FMR1NB: variants seen among roughly 807,000 people sequenced by gnomAD.
FMR1NB encodes FMR1 neighbor.
Under a neutral mutation model 16.8 loss-of-function variants are expected in FMR1NB, and 10 were observed. That is an observed-to-expected ratio of 0.60 (90% CI 0.37 to 1.01). The LOEUF (loss-of-function observed/expected upper bound fraction) is 1.01. Ranked by LOEUF, FMR1NB falls within the 50% of genes least tolerant of loss-of-function variation. The pLI is 0.01. For synonymous variants in FMR1NB, 83 were observed against 79.1 expected (o/e 1.05, Z -0.26); for missense variants, 205 against 204.8 (o/e 1.00, Z 0.00).
chrX:147,993,395 GGGGAGA>G (rs200833296), intron 1 of FMR1NB, among the ~76,000 whole-genome samples: 9 of 107,816 alleles, frequency 8.3e-5, no homozygotes, highest in African/African-American at 2.4e-4. Flanking sequence ...GGGAGACCGT[GGGGAGA>G]GGGAGAGGGA....
Position 147,981,612 on chromosome X carries a change from G to T in FMR1NB, c.210G>T (p.Gly70=). ...SLKMRVSKPF[G]MLMLSIWILL... is the part of the protein sequence containing the mutation. ...AGATGCGGGTCAGCAAACCCTTTGGGATGCTCATGCTCTCCATTTGGATCC... is the reference window on the plus strand; with the variant it reads ...AGATGCGGGTCAGCAAACCCTTTGGTATGCTCATGCTCTCCATTTGGATCC... The change falls in exon 1 of 6, where the codon GGG becomes GGT. Residue 70 remains glycine, a synonymous_variant. Coordinates refer to ENST00000370467, the MANE Select transcript of FMR1NB (RefSeq NM_152578.3). 2.5e-6 allele frequency: 3 copies of T among 1,210,686 alleles called. No individual in the cohort carries two copies. Among genetic ancestry groups the T allele is most frequent in the Non-Finnish European group, 3.4e-6 (3 of 895,194 alleles).
intron 1 of FMR1NB, among the ~76,000 whole-genome samples, chrX:147,982,554 A>C (rs1361617005): frequency 1.1e-5 from 1 of 90,780 alleles, no homozygotes; most frequent in African/African-American, 4.4e-5. Context: ...GCACCACTGC[A>C]CTCCAGCCTG....
At chrX:147,982,413 C>A (rs1475472731) in intron 1 of FMR1NB, among the ~76,000 whole-genome samples, 13 of 109,303 alleles carry the variant, frequency 1.2e-4, no homozygotes, top group African/African-American at 4.3e-4. Context: ...CAAGGTGAAA[C>A]CCCGTCTCTA....
intron 1 of FMR1NB, among the ~76,000 whole-genome samples, chrX:148,001,578 C>T (rs1042269605): frequency 9.1e-6 from 1 of 109,901 alleles, no homozygotes; most frequent in Non-Finnish European, 1.9e-5. Context: ...GGTGAAACCC[C>T]GTCTCTACTA....
intron 1 of FMR1NB, among the ~76,000 whole-genome samples, chrX:147,993,385 G>A (rs2044525072): frequency 9.6e-6 from 1 of 103,831 alleles, no homozygotes; most frequent in African/African-American, 3.4e-5. Context: ...CCGCATGAGA[G>A]GGAGACCGTG....
chrX:147,998,673 T>G (rs782674460), intron 1 of FMR1NB, among the ~76,000 whole-genome samples: 6 of 112,808 alleles, frequency 5.3e-5, no homozygotes, highest in South Asian at 3.7e-4. Flanking sequence ...CATGGTAGGT[T>G]TGATATGTTA....
At position 148,003,290 on chromosome X, in the gene FMR1NB, G is replaced by T; in HGVS notation, c.367G>T (p.Glu123Ter). The T allele has an allele frequency of 8.3e-7, 1 of 1,211,181 alleles. No homozygotes were observed. The highest frequency in any genetic ancestry group is 1.1e-6 in the Non-Finnish European group (1 of 895,039). The change falls in exon 2 of 6, where the codon GAA becomes TAA. Residue 123 changes from glutamate to a stop codon, truncating the protein, a stop_gained. Coordinates refer to ENST00000370467, the MANE Select transcript of FMR1NB (RefSeq NM_152578.3). LOFTEE classifies it high-confidence loss of function. ...GQSLEEDSALEALLNFFFPTT... is the reference protein window; with the variant it reads ...GQSLEEDSAL ...ATCTCTGGAAGAAGATTCCGCATTG[G>T]AAGCTTTGCTGAATTTTTTCTTTCC...
chrX:148,021,581 G>T (rs1455370540), intron 4 of FMR1NB, among the ~76,000 whole-genome samples: 5 of 110,412 alleles, frequency 4.5e-5, no homozygotes, highest in Non-Finnish European at 9.5e-5. Context: ...TTTCTTCAAT[G>T]ATGTATGTTT....
At chrX:147,994,201 T>C (rs1322333495) in intron 1 of FMR1NB, among the ~76,000 whole-genome samples, 1 of 111,017 alleles carries the variant, frequency 9.0e-6, no homozygotes, top group African/African-American at 3.3e-5. Context: ...TCCCTAGAGG[T>C]TTTCCGTCTT....
chrX:147,986,072 A>C (rs1557187059), intron 1 of FMR1NB, among the ~76,000 whole-genome samples: 1 of 112,578 alleles, frequency 8.9e-6, no homozygotes, highest in African/African-American at 3.2e-5. Flanking sequence ...ATGACCAGTG[A>C]TGATGAGCTT....
At chrX:148,023,744 T>C (rs1450661975) in intron 4 of FMR1NB, among the ~76,000 whole-genome samples, 1 of 112,132 alleles carries the variant, frequency 8.9e-6, no homozygotes, top group Non-Finnish European at 1.9e-5. Context: ...AAAAGCCCTA[T>C]AAGCATAAAA....
intron 1 of FMR1NB, among the ~76,000 whole-genome samples, chrX:148,001,289 T>C: frequency 8.9e-6 from 1 of 112,278 alleles, no homozygotes; most frequent in Non-Finnish European, 1.9e-5. Context: ...TACATTTAAT[T>C]GAATTCATGC....
Position 148,008,636 on chromosome X carries a change from A to G in FMR1NB, c.557A>G (p.Gln186Arg), listed in dbSNP as rs958063916. 2 of 1,211,695 alleles carry G rather than the reference A, an allele frequency of 1.7e-6. No individual in the cohort carries two copies. The highest frequency in any genetic ancestry group is 2.2e-6 in the Non-Finnish European group (2 of 895,416). The change falls in exon 4 of 6, where the codon CAA becomes CGA. Residue 186 changes from glutamine (Q) to arginine (R), a missense_variant. Transcript: ENST00000370467. ...PFRDVPKQMM[Q>R]MFGLGAISLI... Reference sequence around the variant, plus strand: ...CCAACAGTGCCTAAACAGATGATGCAAATGTTTGGGCTTGGTGCGATCAGC... The same window carrying G: ...CCAACAGTGCCTAAACAGATGATGCGAATGTTTGGGCTTGGTGCGATCAGC...
chrX:148,003,141 G>A, intron 1 of FMR1NB, 60 bp from the exon 2 acceptor site: 1 of 1,109,333 alleles, frequency 9.0e-7, no homozygotes, highest in Admixed American at 2.4e-5. Flanking sequence ...ACCATTCAAG[G>A]GTCATTGAAA....
At chrX:147,990,232 G>T (rs182791265) in intron 1 of FMR1NB, among the ~76,000 whole-genome samples, 13 of 111,094 alleles carry the variant, frequency 1.2e-4, no homozygotes, top group Non-Finnish European at 5.7e-5. Flanking sequence ...GCTTCGCTTG[G>T]CTGGGAAAGG....
At chrX:148,002,460 T>C (rs1438324179) in intron 1 of FMR1NB, among the ~76,000 whole-genome samples, 1 of 111,621 alleles carries the variant, frequency 9.0e-6, no homozygotes, top group Non-Finnish European at 1.9e-5. Flanking sequence ...CTTAAGTAAT[T>C]TTTCATGAAT....
intron 4 of FMR1NB, among the ~76,000 whole-genome samples, chrX:148,022,465 T>C (rs1413335508): frequency 1.8e-5 from 2 of 112,653 alleles, no homozygotes; most frequent in Non-Finnish European, 3.7e-5. Flanking sequence ...TTTATGTCTC[T>C]AGTACTTAGA....
rs374693289 is a variant in FMR1NB, at chrX:147,981,396, C to G, written c.-7C>G. The G allele has an allele frequency of 5.8e-6, 7 of 1,202,680 alleles. No homozygotes were observed. Among genetic ancestry groups the G allele is most frequent in the East Asian group, 3.0e-5 (1 of 33,562 alleles). On this transcript the variant is annotated 5_prime_UTR_variant, in exon 1 of 6. Coordinates refer to ENST00000370467, the MANE Select transcript of FMR1NB (RefSeq NM_152578.3). ...GGCAGCGTCTCAGCGAGGCGGCACCCGGAGCCATGTCTTCACATAGGAGGA... is the reference window on the plus strand; with the variant it reads ...GGCAGCGTCTCAGCGAGGCGGCACCGGGAGCCATGTCTTCACATAGGAGGA...
At chrX:148,007,842 A>C (rs2044604713) in intron 3 of FMR1NB, among the ~76,000 whole-genome samples, 2 of 111,847 alleles carry the variant, frequency 1.8e-5, no homozygotes, top group African/African-American at 6.5e-5. Flanking sequence ...TTAATACTGG[A>C]AACTAAAACC....
Sources: gnomAD v4.1 joint callset for allele counts (sites outside exome capture counted in the v4.1 genomes callset) on GRCh38, gnomAD v4.1.1 for gene constraint, MANE v1.5 for transcripts, NCBI Gene and HGNC (gene_info 2026-07-23, HGNC 2026-07-21) for gene names.